Variants in BAIAP2L1 observed in about 807,000 individuals in gnomAD.
BAIAP2L1 encodes the protein BAR/IMD domain-containing adapter protein 2-like 1.
Under a neutral mutation model 66.3 loss-of-function variants are expected in BAIAP2L1, and 35 were observed. The observed-to-expected ratio is 0.53, with a 90% confidence interval of 0.40 to 0.70. The LOEUF (loss-of-function observed/expected upper bound fraction) is 0.70, where lower values mean the gene tolerates loss of function less well. Among genes scored for constraint, BAIAP2L1 ranks in the 30% least tolerant of loss-of-function variants. The pLI, the probability that BAIAP2L1 is intolerant of heterozygous loss-of-function variation, is 0.00. For synonymous variants in BAIAP2L1, 269 were observed against 248.7 expected (o/e 1.08, Z -0.77); for missense variants, 622 against 656.9 (o/e 0.95, Z 0.58).
intron 1 of BAIAP2L1, among the ~76,000 whole-genome samples, chr7:98,385,374 A>G: frequency 6.6e-6 from 1 of 152,090 alleles, no homozygotes; most frequent in East Asian, 1.9e-4. Flanking sequence ...TGATTTAAAA[A>G]CAGTTTAAAT....
chr7:98,307,868 T>G lies in BAIAP2L1; in HGVS notation c.984A>C (p.Arg328=). 1 of 1,614,232 alleles carries G rather than the reference T, an allele frequency of 6.2e-7. No individual in the cohort carries two copies. The highest frequency in any genetic ancestry group is 1.3e-5 in the African/African-American group (1 of 75,050). The change falls in exon 10 of 14, where the codon CGA becomes CGC. Residue 328 remains arginine, a synonymous_variant. Coordinates refer to ENST00000005260, the MANE Select transcript of BAIAP2L1 (RefSeq NM_018842.5). ...TCAGTCCCGTTGCAACCGAAACTGA[T>G]CGCTGTAAACTGGGATCTTCGGAAG... ...TGTSEDPSLQ[R]SVSVATGLNM... is the part of the protein sequence containing the mutation.
At chr7:98,383,262 C>A (rs898587141) in intron 1 of BAIAP2L1, among the ~76,000 whole-genome samples, 3 of 150,842 alleles carry the variant, frequency 2.0e-5, no homozygotes, top group African/African-American at 7.3e-5. Flanking sequence ...AAGATGACTA[C>A]CATGTAATAT....
In BAIAP2L1 at chr7:98,395,773, G is replaced by A. The variant is rs147341840; in HGVS notation, c.51+5029C>T. ...TTATTACAGCTTTGAATACAGGCCT[G>A]TAATCCCAGCACTTTGGGAAGCCGA... On this transcript the variant is annotated intron_variant, in intron 1 of 13. Coordinates refer to ENST00000005260, the MANE Select transcript of BAIAP2L1 (RefSeq NM_018842.5). Among the ~76,000 whole-genome samples, 498 of 152,274 alleles carry A rather than the reference G, an allele frequency of 3.3e-3. 3 individuals carry two copies. Among genetic ancestry groups the A allele is most frequent in the African/African-American group, 0.011 (472 of 41,558 alleles).
At chr7:98,358,881 G>A (rs542301409) in intron 2 of BAIAP2L1, among the ~76,000 whole-genome samples, 72 of 152,242 alleles carry the variant, frequency 4.7e-4, no homozygotes, top group Admixed American at 3.7e-3. Context: ...AATTCCCAGC[G>A]TATGTGGTCC....
chr7:98,311,489 C>T (rs1008578993), intron 8 of BAIAP2L1, among the ~76,000 whole-genome samples: 1 of 150,784 alleles, frequency 6.6e-6, no homozygotes, highest in Non-Finnish European at 1.5e-5. Flanking sequence ...TACAGTGAGC[C>T]GAGATTGCGC....
intron 9 of BAIAP2L1, chr7:98,308,217 TAGAG>T (rs1034331304): frequency 4.4e-5 from 23 of 528,094 alleles, no homozygotes; most frequent in African/African-American, 3.2e-4. Context: ...TGGCTCTTCT[TAGAG>T]AGACAAACCG....
chr7:98,372,777 C>T, intron 1 of BAIAP2L1, among the ~76,000 whole-genome samples: 1 of 130,696 alleles, frequency 7.7e-6, no homozygotes, highest in Non-Finnish European at 1.5e-5. Flanking sequence ...CTCGCTCTGT[C>T]TCCCAGGCTG....
intron 11 of BAIAP2L1, 113 bp downstream of exon 11, chr7:98,306,326 C>T (rs898597526): frequency 1.3e-5 from 16 of 1,279,092 alleles, no homozygotes; most frequent in East Asian, 1.2e-4. Context: ...GACTAGTCCA[C>T]GAGAGCTGAG....
At chr7:98,334,642 T>A (rs557647541) in intron 3 of BAIAP2L1, among the ~76,000 whole-genome samples, 1 of 152,014 alleles carries the variant, frequency 6.6e-6, no homozygotes, top group South Asian at 2.1e-4. Context: ...CCTCCTAGGT[T>A]CGAGCAATTC....
At chr7:98,294,022 A>G in intron 13 of BAIAP2L1, 52 bp downstream of exon 13, 2 of 1,595,318 alleles carry the variant, frequency 1.3e-6, no homozygotes, top group South Asian at 2.2e-5. Context: ...GGGGGACACT[A>G]CAGGGAAGAG....
intron 1 of BAIAP2L1, among the ~76,000 whole-genome samples, chr7:98,390,395 TTTACA>T (rs1255803122): frequency 3.3e-5 from 5 of 151,944 alleles, no homozygotes; most frequent in African/African-American, 9.7e-5. Context: ...ATTTATCTGC[TTTACA>T]TTAAATATTA....
intron 3 of BAIAP2L1, among the ~76,000 whole-genome samples, chr7:98,328,018 G>GT (rs377766958): frequency 0.021 from 3,094 of 145,214 alleles, 83 homozygotes; most frequent in African/African-American, 0.064. Flanking sequence ...CCCGAACATT[G>GT]TTTTTTTTTT....
At chr7:98,340,392 A>G (rs930127648) in intron 3 of BAIAP2L1, among the ~76,000 whole-genome samples, 12 of 152,070 alleles carry the variant, frequency 7.9e-5, no homozygotes, top group African/African-American at 2.9e-4. Context: ...GGTTCACGCC[A>G]TTCTCTTGCC....
chr7:98,365,424 A>G (rs1230261240), intron 1 of BAIAP2L1, among the ~76,000 whole-genome samples: 2 of 152,164 alleles, frequency 1.3e-5, no homozygotes, highest in Admixed American at 6.5e-5. Flanking sequence ...TGAATTTGAT[A>G]TATCTTAATT....
intron 3 of BAIAP2L1, among the ~76,000 whole-genome samples, chr7:98,351,987 T>C (rs1156354014): frequency 6.6e-6 from 1 of 152,170 alleles, no homozygotes; most frequent in Non-Finnish European, 1.5e-5. Context: ...GTTATAAAGT[T>C]TCATGATGAA....
intron 12 of BAIAP2L1, among the ~76,000 whole-genome samples, chr7:98,297,757 C>G (rs959167518): frequency 6.6e-6 from 1 of 152,204 alleles, no homozygotes; most frequent in African/African-American, 2.4e-5. Context: ...GTGACGCAAA[C>G]GAAGATGCGT....
At chr7:98,336,524 G>C (rs1447954645) in intron 3 of BAIAP2L1, among the ~76,000 whole-genome samples, 3 of 152,166 alleles carry the variant, frequency 2.0e-5, no homozygotes, top group Admixed American at 2.0e-4. Flanking sequence ...GCTGAGGCAG[G>C]AGAATCGCCT....
chr7:98,343,374 C>T (rs1300055104), intron 3 of BAIAP2L1, among the ~76,000 whole-genome samples: 2 of 151,920 alleles, frequency 1.3e-5, no homozygotes, highest in African/African-American at 4.8e-5. Context: ...TTGCTTGAGC[C>T]CAGGAGGTGG....
chr7:98,293,940 C>T, intron 13 of BAIAP2L1, 134 bp downstream of exon 13: 1 of 1,044,158 alleles, frequency 9.6e-7, no homozygotes, highest in Non-Finnish European at 1.4e-6. Flanking sequence ...GGGGGCTGCA[C>T]TCCCCCATGG....
Sources: allele counts gnomAD v4.1 joint callset (sites outside exome capture counted in the v4.1 genomes callset), GRCh38; gene constraint gnomAD v4.1.1; transcripts MANE v1.5; gene names NCBI Gene and HGNC (gene_info 2026-07-23, HGNC 2026-07-21).